KIAA1671: variants seen among roughly 807,000 people sequenced by gnomAD.
KIAA1671 encodes the protein KIAA1671.
A neutral mutation model predicts 131.2 loss-of-function variants in KIAA1671; 52 were observed. The ratio of observed to expected loss-of-function variants is 0.40; its 90% CI spans 0.32 to 0.50. KIAA1671 has a LOEUF of 0.50. Among genes scored for constraint, KIAA1671 ranks in the 20% least tolerant of loss-of-function variants. KIAA1671 has a pLI of 0.73. For missense variants in KIAA1671, 2,360 were observed against 2,364.2 expected, an observed-to-expected ratio of 1.00 and a Z score of 0.04; for synonymous variants, 1,003 against 961.6, an observed-to-expected ratio of 1.04 and a Z score of -0.80.
At chr22:25,155,570 G>A (rs1933203512) in intron 6 of KIAA1671, among the ~76,000 whole-genome samples, 1 of 151,718 alleles carries the variant, frequency 6.6e-6, no homozygotes, top group Non-Finnish European at 1.5e-5. Flanking sequence ...GTAGATGTTT[G>A]TGTGTGTACA....
At chr22:25,134,994 AGGGGT>A (rs1932608969) in intron 6 of KIAA1671, among the ~76,000 whole-genome samples, 1 of 152,202 alleles carries the variant, frequency 6.6e-6, no homozygotes, top group East Asian at 1.9e-4. Flanking sequence ...TCCATTTTCT[AGGGGT>A]GACCACTGAG....
chr22:25,130,702 C>T lies in KIAA1671; in HGVS notation c.4531-40118C>T, dbSNP rs547421653. Among the ~76,000 whole-genome samples, 222 of 152,334 alleles carry T rather than the reference C, an allele frequency of 1.5e-3. 1 individual carries two copies. Among genetic ancestry groups the T allele is most frequent in the South Asian group, 3.9e-3 (19 of 4,830 alleles). On this transcript the variant is annotated intron_variant, in intron 6 of 12. Transcript: ENST00000358431. ...CTTCCTTGGTGTCTGGGCCTCCACT[C>T]GGAGCTGTGCCTTTCCCGGCACCTG...
intron 6 of KIAA1671, among the ~76,000 whole-genome samples, chr22:25,155,234 T>G (rs1198121743): frequency 6.6e-6 from 1 of 152,256 alleles, no homozygotes; most frequent in Non-Finnish European, 1.5e-5. Flanking sequence ...AGACACCATG[T>G]TAATTCCCTT....
At chr22:25,141,724 A>G (rs1932810452) in intron 6 of KIAA1671, among the ~76,000 whole-genome samples, 1 of 152,088 alleles carries the variant, frequency 6.6e-6, no homozygotes, top group African/African-American at 2.4e-5. Flanking sequence ...AGGCCTACGC[A>G]TGTCCCCACC....
In KIAA1671 at chr22:24,995,787, G is replaced by T. The variant is rs117146874; in HGVS notation, c.-207-29846G>T. The stretch of plus-strand genomic sequence containing the variant: ...TTTAATCCTCACAAAAGCATGTGAA[G>T]TACCTACCCTTGCTTCCATTTTATA... On this transcript the variant is annotated intron_variant, in intron 1 of 12. Transcript: ENST00000358431. 3.5e-4 allele frequency among the ~76,000 whole-genome samples: 54 copies of T among 152,378 alleles called. No homozygotes were observed. The East Asian group carries it at 9.6e-3, about 27-fold the overall frequency.
intron 1 of KIAA1671, among the ~76,000 whole-genome samples, chr22:24,986,730 T>C (rs1003601824): frequency 7.0e-6 from 1 of 142,388 alleles, no homozygotes; most frequent in South Asian, 2.4e-4. Context: ...CATCCATCCA[T>C]CCATCCATCA....
intron 6 of KIAA1671, among the ~76,000 whole-genome samples, chr22:25,154,418 G>T (rs139969599): frequency 5.6e-4 from 85 of 152,348 alleles, no homozygotes; most frequent in Admixed American, 2.1e-3. Context: ...AGCTCGTTCT[G>T]TCCTGACTTG....
At chr22:25,171,973 C>T (rs2146016060) in intron 7 of KIAA1671, among the ~76,000 whole-genome samples, 1 of 151,778 alleles carries the variant, frequency 6.6e-6, no homozygotes, top group Admixed American at 6.6e-5. Context: ...ATAAAGTCAC[C>T]AATATTAAAG....
intron 6 of KIAA1671, among the ~76,000 whole-genome samples, chr22:25,070,677 C>A (rs970416367): frequency 6.6e-6 from 1 of 151,674 alleles, no homozygotes; most frequent in Non-Finnish European, 1.5e-5. Flanking sequence ...GGCTTTCCTC[C>A]AGTCCTCAAG....
chr22:25,022,956 A>AGCACTTTGGGG (rs1925752501), intron 1 of KIAA1671: 1 of 152,584 alleles, frequency 6.6e-6, no homozygotes, highest in African/African-American at 2.4e-5. Flanking sequence ...CTGTAATCCC[A>AGCACTTTGGGG]GCACTTTGGG....
At chr22:25,030,788 T>C (rs771504537) in intron 3 of KIAA1671, among the ~76,000 whole-genome samples, 4 of 152,254 alleles carry the variant, frequency 2.6e-5, no homozygotes, top group Non-Finnish European at 5.9e-5. Context: ...CATGATCGAC[T>C]GGCTCTTAAT....
chr22:25,093,729 ACACACACACTCTCTCTCT>A (rs1930153533), intron 6 of KIAA1671, among the ~76,000 whole-genome samples: 1 of 51,304 alleles, frequency 1.9e-5, no homozygotes, highest in African/African-American at 1.7e-4. Context: ...ACACACACAC[ACACACACACTCTCTCTCT>A]CTCTCTCTCT....
intron 6 of KIAA1671, among the ~76,000 whole-genome samples, chr22:25,146,257 A>T (rs1932876869): frequency 6.6e-6 from 1 of 152,222 alleles, no homozygotes; most frequent in South Asian, 2.1e-4. Flanking sequence ...GGGCAGCAGA[A>T]CCAAGACCCA....
At chr22:25,113,313 A>C (rs5760861) in intron 6 of KIAA1671, among the ~76,000 whole-genome samples, 116,618 of 152,182 alleles carry the variant, frequency 0.77, 45,767 homozygotes, top group African/African-American at 0.94. Flanking sequence ...CTCCCAATTA[A>C]TTCAGGGCTG....
At chr22:25,042,741 G>A (rs973041635) in intron 5 of KIAA1671, among the ~76,000 whole-genome samples, 1 of 151,968 alleles carries the variant, frequency 6.6e-6, no homozygotes, top group African/African-American at 2.4e-5. Context: ...CCAAAGTGCT[G>A]GGATTACAGG....
intron 9 of KIAA1671, chr22:25,179,247 C>G (rs1156420987): frequency 6.6e-7 from 1 of 1,523,960 alleles, no homozygotes; most frequent in African/African-American, 1.4e-5. Context: ...CAGAGGTGAA[C>G]GAAACAAAAC....
In KIAA1671 at chr22:25,029,333, G is replaced by A. The variant is rs1001531741; in HGVS notation, c.1334G>A (p.Arg445Gln). 1.3e-4 allele frequency: 198 copies of A among 1,547,642 alleles called. 1 individual carries two copies. The East Asian group carries it at 1.9e-3, about 15-fold the overall frequency. Reference protein sequence around the residue: ...RSVRKCISLFREDSTLALAVG... With the variant: ...RSVRKCISLFQEDSTLALAVG... ...GTCAGGAAGTGCATCAGCCTGTTTC[G>A]GGAGGACAGCACCTTGGCCTTGGCA... Residue 445 changes from arginine (R) to glutamine (Q), a missense_variant, in exon 3 of 13, where the codon CGG (arginine) becomes CAG (glutamine). By Grantham distance (43) the Arg-to-Gln change is conservative (BLOSUM62 1). Around this residue, in one of 3 missense-constraint regions of KIAA1671, gnomAD observed 1,185 missense variants for 1,126.2 expected, o/e 1.05. Transcript: ENST00000358431.
intron 6 of KIAA1671, among the ~76,000 whole-genome samples, chr22:25,150,604 C>G (rs966824532): frequency 4.6e-5 from 7 of 152,168 alleles, no homozygotes; most frequent in African/African-American, 7.2e-5. Flanking sequence ...ACCTCTCGCT[C>G]TTCCCTGGCA....
At chr22:25,036,042 A>G (rs1926573922) in intron 4 of KIAA1671, among the ~76,000 whole-genome samples, 1 of 152,238 alleles carries the variant, frequency 6.6e-6, no homozygotes, top group Non-Finnish European at 1.5e-5. Context: ...CTGCACTCCA[A>G]CCTGGGCAAC....
Sources: allele counts gnomAD v4.1 joint callset (sites outside exome capture counted in the v4.1 genomes callset), GRCh38; gene constraint gnomAD v4.1.1; regional missense constraint gnomAD v4.1.1; transcripts MANE v1.5; gene names NCBI Gene and HGNC (gene_info 2026-07-23, HGNC 2026-07-21).